The following PPP4R1 variants were observed in gnomAD, a reference collection of about 807,000 sequenced individuals.
The protein encoded by PPP4R1 is serine/threonine-protein phosphatase 4 regulatory subunit 1.
A neutral mutation model predicts 111.2 loss-of-function variants in PPP4R1; 42 were observed. That is an observed-to-expected ratio of 0.38 (90% CI 0.29 to 0.49). The LOEUF is 0.49. Ranked by LOEUF, PPP4R1 falls within the 20% of genes least tolerant of loss-of-function variation. PPP4R1 has a pLI of 0.97. For synonymous variants in PPP4R1, 409 were observed against 405.5 expected (o/e 1.01, Z -0.10); for missense variants, 1,012 against 1,161.6 (o/e 0.87, Z 1.87).
chr18:9,557,067 C>A, intron 15 of PPP4R1, 154 bp downstream of exon 15: 2 of 615,870 alleles, frequency 3.2e-6, no homozygotes, highest in Non-Finnish European at 5.4e-6. Context: ...ATTATGGGAC[C>A]ATTTCTTTTT....
chr18:9,596,685 TTCA>T (rs1480939994), intron 2 of PPP4R1, among the ~76,000 whole-genome samples: 1 of 152,218 alleles, frequency 6.6e-6, no homozygotes, highest in African/African-American at 2.4e-5. Flanking sequence ...ACAGAAAAGA[TTCA>T]TCATTTCCTG....
chr18:9,582,711 A>G (rs1312341084), intron 9 of PPP4R1, among the ~76,000 whole-genome samples: 2 of 152,194 alleles, frequency 1.3e-5, no homozygotes, highest in Non-Finnish European at 2.9e-5. Flanking sequence ...AACCAGACAA[A>G]GGCACCATAA....
chr18:9,575,766 C>T (rs12458145), intron 10 of PPP4R1, among the ~76,000 whole-genome samples: 30,181 of 152,128 alleles, frequency 0.2, 3,313 homozygotes, highest in East Asian at 0.49. Context: ...GCTGCTTATA[C>T]ACTGCAAAGG....
intron 11 of PPP4R1, among the ~76,000 whole-genome samples, chr18:9,564,697 G>GGTGTGT (rs1178823297): frequency 0.08 from 7,452 of 93,338 alleles, 209 homozygotes; most frequent in Non-Finnish European, 0.11. Context: ...TAAAGTGCAT[G>GGTGTGT]GTGTGTGTGT....
intron 11 of PPP4R1, among the ~76,000 whole-genome samples, chr18:9,565,119 T>G (rs2066745130): frequency 6.6e-6 from 1 of 152,208 alleles, no homozygotes; most frequent in Admixed American, 6.5e-5. Context: ...CTGTATTGTA[T>G]GTTGGTAATT....
intron 2 of PPP4R1, among the ~76,000 whole-genome samples, chr18:9,601,704 GT>G (rs1459727399): frequency 2.0e-5 from 3 of 151,984 alleles, no homozygotes. Context: ...TGTTGCCCAG[GT>G]TGGTCTTGAA....
In PPP4R1 at chr18:9,549,182, G is replaced by A. The variant is rs768354692; in HGVS notation, c.2689+15C>T. The A allele has an allele frequency of 6.2e-7, 1 of 1,608,250 alleles. No homozygotes were observed. The highest frequency in any genetic ancestry group is 8.5e-7 in the Non-Finnish European group (1 of 1,174,976). On this transcript the variant is annotated intron_variant, in intron 19 of 19. Transcript: ENST00000400556. ...TCTCTACTCACACGCTTCTTCTAGT[G>A]GAGTCACTACCTACCTTTTTCTAGT...
intron 16 of PPP4R1, among the ~76,000 whole-genome samples, chr18:9,552,450 A>G (rs928465650): frequency 7.9e-5 from 12 of 152,244 alleles, no homozygotes; most frequent in African/African-American, 2.9e-4. Context: ...ACATCATTAC[A>G]TACCTCACAA....
At chr18:9,582,683 A>G (rs2067049416) in intron 9 of PPP4R1, among the ~76,000 whole-genome samples, 1 of 152,216 alleles carries the variant, frequency 6.6e-6, no homozygotes, top group Non-Finnish European at 1.5e-5. Flanking sequence ...TTATGAGGCC[A>G]TTATTACTCT....
At position 9,559,641 on chromosome 18, in the gene PPP4R1, T is replaced by A. The variant is rs760777958; in HGVS notation, c.1843-37A>T. 38 of 1,472,686 alleles carry A rather than the reference T, an allele frequency of 2.6e-5. No individual in the cohort carries two copies. The East Asian group carries it at 8.9e-4, about 35-fold the overall frequency. The allele number at this position is 1,472,686 out of a possible 1,614,324, so 91.2% of individuals were successfully genotyped here. On this transcript the variant is annotated intron_variant, in intron 13 of 19. Transcript: ENST00000400556. ...AGAGAAACCACAGTGACTGAGCAGC[T>A]GAGATGCATTTTGAGCAGTTTAGAC... is the stretch of plus-strand genomic sequence containing the variant.
At chr18:9,578,276 T>C (rs1474644186) in intron 9 of PPP4R1, among the ~76,000 whole-genome samples, 2 of 152,212 alleles carry the variant, frequency 1.3e-5, no homozygotes, top group Non-Finnish European at 2.9e-5. Context: ...TGCTCTGCTG[T>C]GGAGGCTGGA....
intron 11 of PPP4R1, among the ~76,000 whole-genome samples, chr18:9,566,978 A>T (rs1471387792): frequency 1.3e-5 from 2 of 152,302 alleles, no homozygotes; most frequent in East Asian, 3.9e-4. Context: ...CACAATACCC[A>T]TTCTGCAGCC....
At chr18:9,550,478 GT>G in intron 16 of PPP4R1, 80 bp from the exon 17 acceptor site, 1 of 1,445,012 alleles carries the variant, frequency 6.9e-7, no homozygotes, top group East Asian at 2.3e-5. Context: ...TAAATCATCT[GT>G]AATACTGGAT....
intron 4 of PPP4R1, among the ~76,000 whole-genome samples, chr18:9,592,943 A>T (rs952832693): frequency 1.3e-5 from 2 of 152,184 alleles, no homozygotes; most frequent in African/African-American, 4.8e-5. Flanking sequence ...TAAGCCTACA[A>T]ATGTTCTGCC....
At chr18:9,580,188 T>C (rs1201202040) in intron 9 of PPP4R1, among the ~76,000 whole-genome samples, 2 of 152,176 alleles carry the variant, frequency 1.3e-5, no homozygotes, top group Non-Finnish European at 2.9e-5. Context: ...CATGACGGTG[T>C]GAGGAGCTCA....
At chr18:9,612,013 C>CA (rs34046569) in intron 2 of PPP4R1, among the ~76,000 whole-genome samples, 62,515 of 145,582 alleles carry the variant, frequency 0.43, 13,385 homozygotes, top group East Asian at 0.55. Context: ...AACTCCATCT[C>CA]AAAAAAAAAA....
intron 2 of PPP4R1, among the ~76,000 whole-genome samples, chr18:9,598,702 C>T (rs2067330276): frequency 6.6e-6 from 1 of 152,062 alleles, no homozygotes; most frequent in African/African-American, 2.4e-5. Context: ...GAATCTGGAT[C>T]TATACAGAAG....
intron 6 of PPP4R1, among the ~76,000 whole-genome samples, chr18:9,586,348 C>T (rs574965285): frequency 4.6e-5 from 7 of 151,978 alleles, no homozygotes; most frequent in Middle Eastern, 3.4e-3. Context: ...GCAAGTTAAA[C>T]GGCTCAATAT....
intron 4 of PPP4R1, chr18:9,590,024 A>C (rs2067185319): frequency 6.6e-6 from 1 of 152,230 alleles, no homozygotes; most frequent in African/African-American, 2.4e-5. Context: ...TGTTCAAATA[A>C]ATAATAAGAA....
Sources: allele counts gnomAD v4.1 joint callset (sites outside exome capture counted in the v4.1 genomes callset), GRCh38; gene constraint gnomAD v4.1.1; transcripts MANE v1.5; gene names NCBI Gene and HGNC (gene_info 2026-07-23, HGNC 2026-07-21).